PKN3: variants seen among roughly 807,000 people sequenced by gnomAD.
PKN3 encodes serine/threonine-protein kinase N3.
A neutral mutation model predicts 113.1 loss-of-function variants in PKN3; 91 were observed. The observed-to-expected ratio is 0.80, with a 90% CI of 0.68 to 0.96. The LOEUF is 0.96. Among genes scored for constraint, PKN3 ranks in the 40% least tolerant of loss-of-function variants. PKN3 has a pLI of 0.00. For missense variants in PKN3, 1,052 were observed against 1,202.2 expected, an observed-to-expected ratio of 0.88 and a Z score of 1.85; for synonymous variants, 467 against 499.0, an observed-to-expected ratio of 0.94 and a Z score of 0.85.
At chr9:128,706,022 G>A (rs1862005803) in intron 3 of PKN3, 143 bp downstream of exon 3, 6 of 857,928 alleles carry the variant, frequency 7.0e-6, no homozygotes, top group Non-Finnish European at 8.9e-6. Flanking sequence ...CCAGCTGGGT[G>A]AGGAAGGCAT....
At chr9:128,703,874 C>T in intron 1 of PKN3, 1 of 985,464 alleles carries the variant, frequency 1.0e-6, no homozygotes, top group Non-Finnish European at 1.2e-6. Context: ...CGATTTCCTG[C>T]GGGGCTCCGC....
rs1862321046 is a variant in PKN3 at position 128,715,792 on chromosome 9, T to C, written c.1808+332T>C. On this transcript the variant is annotated intron_variant, in intron 15 of 21. Coordinates refer to ENST00000291906, the MANE Select transcript of PKN3 (RefSeq NM_013355.5). The surrounding 1 kb of genome is among the most constrained non-coding windows in gnomAD (Gnocchi z 4.1). ...ACTTTGGGAGGCCAAGGCAGGCGGA[T>C]CACTTGAGTCCAGGAGTTCAAGACC... Among the ~76,000 whole-genome samples, 1 of 152,034 alleles carries C rather than the reference T, an allele frequency of 6.6e-6. No individual in the cohort carries two copies. The highest frequency in any genetic ancestry group is 2.1e-4 in the South Asian group (1 of 4,822).
Position 128,715,046 on chromosome 9 carries a change from T to G in PKN3, c.1653-126T>G, listed in dbSNP as rs1184811224. On this transcript the variant is annotated intron_variant, in intron 13 of 21. Coordinates refer to ENST00000291906, the MANE Select transcript of PKN3 (RefSeq NM_013355.5). The surrounding 1 kb of genome is among the most constrained non-coding windows in gnomAD (Gnocchi z 4.1). The stretch of plus-strand genomic sequence containing the variant: ...TATGCCGGCTTCTAGGAGTCCTTAC[T>G]GCAGGGCTTTTTCGAGCCCATAGGT... The G allele has an allele frequency of 8.8e-7, 1 of 1,132,446 alleles. No individual in the cohort carries two copies. The highest frequency in any genetic ancestry group is 1.3e-6 in the Non-Finnish European group (1 of 758,994). 70.1% of individuals were successfully genotyped at this position (1,132,446 alleles called of 1,614,324 possible).
intron 6 of PKN3, among the ~76,000 whole-genome samples, chr9:128,708,354 C>T (rs1044949148): frequency 6.6e-5 from 10 of 151,846 alleles, no homozygotes; most frequent in Admixed American, 1.3e-4. Flanking sequence ...GCACTTCAGC[C>T]TAGGTAACAG....
chr9:128,714,689 C>T, intron 12 of PKN3, 25 bp downstream of exon 12: 2 of 1,329,406 alleles, frequency 1.5e-6, no homozygotes, highest in South Asian at 2.3e-5. Flanking sequence ...GGACTAGTGG[C>T]TCCTAGGGCC....
chr9:128,703,494 G>A, intron 1 of PKN3: 1 of 985,426 alleles, frequency 1.0e-6, no homozygotes, highest in Non-Finnish European at 1.2e-6. Context: ...CTAGAATGCG[G>A]AGGGGGCTGG....
chr9:128,703,466 T>C (rs891216832), intron 1 of PKN3: 1 of 984,930 alleles, frequency 1.0e-6, no homozygotes, highest in African/African-American at 1.7e-5. Context: ...GCGGGAACCT[T>C]TGGGTACATA....
chr9:128,705,240 G>C, intron 1 of PKN3, 63 bp from the exon 2 acceptor site: 1 of 1,540,664 alleles, frequency 6.5e-7, no homozygotes, highest in Non-Finnish European at 8.7e-7. Context: ...GTGAGCAAAG[G>C]CTGCTGGTGG....
intron 6 of PKN3, among the ~76,000 whole-genome samples, chr9:128,708,245 G>C (rs1862078801): frequency 6.6e-6 from 1 of 151,886 alleles, no homozygotes; most frequent in Non-Finnish European, 1.5e-5. Flanking sequence ...AGCTGGATGT[G>C]GTGGCACATG....
intron 6 of PKN3, among the ~76,000 whole-genome samples, chr9:128,709,120 C>A (rs2132297817): frequency 6.6e-6 from 1 of 150,868 alleles, no homozygotes; most frequent in East Asian, 2.0e-4. Flanking sequence ...CCTGTCTCCA[C>A]TAAAAATACA....
chr9:128,718,271 CT>C, intron 16 of PKN3, 53 bp from the exon 17 acceptor site: 1 of 1,470,550 alleles, frequency 6.8e-7, no homozygotes, highest in Non-Finnish European at 9.5e-7. Flanking sequence ...CCTCCCTGCC[CT>C]GCCTCCCTGG....
At position 128,714,903 on chromosome 9, in the gene PKN3, G is replaced by A. The variant is rs376783748; in HGVS notation, c.1652+38G>A. ...GCGCACCTTCATGTTTGAGACGTTCGTCTGCTTGCTTGAACATTTGTGTAT... is the reference window on the plus strand; with the variant it reads ...GCGCACCTTCATGTTTGAGACGTTCATCTGCTTGCTTGAACATTTGTGTAT... On this transcript the variant is annotated intron_variant, in intron 13 of 21. Coordinates refer to ENST00000291906, the MANE Select transcript of PKN3 (RefSeq NM_013355.5). The A allele has an allele frequency of 1.3e-5, 21 of 1,580,714 alleles. No individual in the cohort carries two copies. In the African/African-American group the frequency reaches 1.5e-4, roughly 11 times the overall value.
At chr9:128,703,155 C>T (rs1861905090) in intron 1 of PKN3, among the ~76,000 whole-genome samples, 1 of 152,208 alleles carries the variant, frequency 6.6e-6, no homozygotes, top group Non-Finnish European at 1.5e-5. Context: ...CCAAATCAGT[C>T]CGCGGCTGAC....
intron 1 of PKN3, 108 bp downstream of exon 1, chr9:128,703,047 C>T: frequency 2.6e-6 from 2 of 769,186 alleles, no homozygotes; most frequent in East Asian, 3.4e-5. Context: ...CCCTCACCCG[C>T]GCCCCTTCCC....
At position 128,720,360 on chromosome 9, in the gene PKN3, C is replaced by T. The variant is rs1333832685; in HGVS notation, c.2458-34C>T. 6.2e-7 allele frequency: 1 copy of T among 1,612,094 alleles called. No individual in the cohort carries two copies. The highest frequency in any genetic ancestry group is 8.5e-7 in the Non-Finnish European group (1 of 1,179,150). ...TGGAGTGACTCCTGGAGCTGCTGTT[C>T]CTGCCGTCTCAGGCGCCTCTCCTTT... On this transcript the variant is annotated intron_variant, in intron 21 of 21. Coordinates refer to ENST00000291906, the MANE Select transcript of PKN3 (RefSeq NM_013355.5). The surrounding 1 kb of genome is among the most constrained non-coding windows in gnomAD (Gnocchi z 5.5).
At chr9:128,706,074 C>T (rs1456987053) in intron 3 of PKN3, among the ~76,000 whole-genome samples, 195 bp downstream of exon 3, 1 of 152,238 alleles carries the variant, frequency 6.6e-6, no homozygotes, top group Non-Finnish European at 1.5e-5. Flanking sequence ...TTGCCCTGGT[C>T]TAATGGGATC....
At chr9:128,706,316 G>A (rs1351662959) in intron 3 of PKN3, among the ~76,000 whole-genome samples, 1 of 151,774 alleles carries the variant, frequency 6.6e-6, no homozygotes, top group African/African-American at 2.4e-5. Flanking sequence ...CATCTAATGG[G>A]GGAGGCTTAG....
In PKN3 at chr9:128,720,594, CCTGGA is replaced by C; in HGVS notation, c.2659_2663del (p.Leu887ThrfsTer38). ...ACTTCGACTTTGTGTCAGAGCGATT[CCTGGA>C]ACCCTGAGGGCATCTCCTGGCACCT... On this transcript the variant is annotated frameshift_variant, in exon 22 of 22. Transcript: ENST00000291906. LOFTEE classifies it high-confidence loss of function. The surrounding 1 kb of genome is among the most constrained non-coding windows in gnomAD (Gnocchi z 5.5). The C allele has an allele frequency of 6.2e-7, 1 of 1,613,030 alleles. No individual in the cohort carries two copies. The highest frequency in any genetic ancestry group is 8.5e-7 in the Non-Finnish European group (1 of 1,179,848).
At chr9:128,704,132 A>G in intron 1 of PKN3, 3 of 985,388 alleles carry the variant, frequency 3.0e-6, no homozygotes, top group Non-Finnish European at 3.6e-6. Context: ...ACAGAGAGGT[A>G]AGATGGGGTT....
Sources: allele counts gnomAD v4.1 joint callset (sites outside exome capture counted in the v4.1 genomes callset), GRCh38; gene constraint gnomAD v4.1.1; non-coding constraint Gnocchi (gnomAD v3.1); transcripts MANE v1.5; gene names NCBI Gene and HGNC (gene_info 2026-07-23, HGNC 2026-07-21).